The following STARD13 variants were observed in gnomAD, a reference collection of about 807,000 sequenced individuals.
STARD13 encodes stAR-related lipid transfer protein 13.
STARD13 carries 62 observed loss-of-function variants against 106.4 expected under a neutral mutation model. The observed-to-expected ratio is 0.58, with a 90% CI of 0.48 to 0.72. STARD13 has a LOEUF of 0.72. STARD13 is among the 30% of genes least tolerant of loss of function. The probability of loss-of-function intolerance (pLI) is 0.00; values close to 1 mark genes in which losing one functional copy is unlikely to be tolerated. For missense variants in STARD13, 1,387 were observed against 1,424.0 expected, an observed-to-expected ratio of 0.97 and a Z score of 0.42; for synonymous variants, 565 against 553.0, an observed-to-expected ratio of 1.02 and a Z score of -0.31.
At chr13:33,123,298 T>C (rs1245647411) in intron 7 of STARD13, among the ~76,000 whole-genome samples, 1 of 152,204 alleles carries the variant, frequency 6.6e-6, no homozygotes, top group Admixed American at 6.5e-5. Flanking sequence ...TCCATCTGAA[T>C]AATATTAAAT....
intron 1 of STARD13, among the ~76,000 whole-genome samples, chr13:33,192,970 C>T (rs1420425696): frequency 6.6e-6 from 1 of 152,080 alleles, no homozygotes; most frequent in Non-Finnish European, 1.5e-5. Flanking sequence ...AATGAGGTGC[C>T]CAAGGTCACA....
chr13:33,477,577 C>A, the STARD13 span, among the ~76,000 whole-genome samples: 1 of 152,168 alleles, frequency 6.6e-6, no homozygotes, highest in African/African-American at 2.4e-5. Context: ...AACTGAATTG[C>A]CAGCCATGAT....
At chr13:33,275,156 C>A (rs73458291) in intron 1 of STARD13, among the ~76,000 whole-genome samples, 2,431 of 152,164 alleles carry the variant, frequency 0.016, 60 homozygotes, top group African/African-American at 0.051. Context: ...CAGGAAACCA[C>A]AATTGGAAAA....
intron 1 of STARD13, among the ~76,000 whole-genome samples, chr13:33,243,492 G>A (rs1191706629): frequency 1.3e-5 from 2 of 152,154 alleles, no homozygotes; most frequent in African/African-American, 4.8e-5. Context: ...GCCACCTTAA[G>A]GAGTTCAGAT....
chr13:33,103,903 A>G lies in STARD13; in HGVS notation c.*1690T>C, dbSNP rs1466235545. Reference sequence around the variant, plus strand: ...GCATTGCCCAAAAGGTAAATTATGGATTTACTGCTTCCTTCTTAGGTAGAT... The same window carrying G: ...GCATTGCCCAAAAGGTAAATTATGGGTTTACTGCTTCCTTCTTAGGTAGAT... On this transcript the variant is annotated 3_prime_UTR_variant, in exon 14 of 14. Transcript: ENST00000336934. 6.6e-6 allele frequency: 1 copy of G among 152,162 alleles called. No individual in the cohort carries two copies. The highest frequency in any genetic ancestry group is 1.9e-4 in the East Asian group (1 of 5,194). The allele number at this position is 152,162 out of a possible 1,614,324, so 9.4% of individuals were successfully genotyped here. A position where few individuals can be genotyped will look rare whatever the true frequency, so the allele number is the denominator to read the frequency against.
intron 1 of STARD13, among the ~76,000 whole-genome samples, chr13:33,242,270 A>G (rs1042180107): frequency 2.0e-5 from 3 of 152,210 alleles, no homozygotes; most frequent in Non-Finnish European, 4.4e-5. Flanking sequence ...GCTCATTGAC[A>G]ACGGGCCATG....
chr13:33,412,763 T>G, the STARD13 span, among the ~76,000 whole-genome samples: 5 of 152,262 alleles, frequency 3.3e-5, 1 homozygote, highest in South Asian at 1.0e-3. Flanking sequence ...GAGGATACAG[T>G]AATCTTAAAT....
At chr13:33,509,890 C>T in the STARD13 span, among the ~76,000 whole-genome samples, 8 of 152,282 alleles carry the variant, frequency 5.3e-5, no homozygotes, top group African/African-American at 1.9e-4. Context: ...TTCCTGGTGT[C>T]CATCTGACGC....
chr13:33,177,430 C>T (rs1321852214), intron 1 of STARD13, among the ~76,000 whole-genome samples: 1 of 152,120 alleles, frequency 6.6e-6, no homozygotes, highest in East Asian at 1.9e-4. Context: ...CCTTTCATGA[C>T]TAAAGTACCA....
the STARD13 span, among the ~76,000 whole-genome samples, chr13:33,539,144 C>A: frequency 1.3e-5 from 2 of 152,110 alleles, no homozygotes; most frequent in Non-Finnish European, 2.9e-5. Flanking sequence ...GATTCAACAA[C>A]TGAAAACTTA....
At chr13:33,446,800 T>C in the STARD13 span, among the ~76,000 whole-genome samples, 9 of 152,208 alleles carry the variant, frequency 5.9e-5, no homozygotes. Flanking sequence ...TAATAAACCA[T>C]AGCATTTTAA....
chr13:33,151,402 G>C (rs1028215319), intron 3 of STARD13, among the ~76,000 whole-genome samples: 1 of 152,144 alleles, frequency 6.6e-6, no homozygotes, highest in African/African-American at 2.4e-5. Context: ...GCAGGAGGGA[G>C]AGATAGAAAA....
At chr13:33,342,715 T>A (rs1167348660) in intron 1 of STARD13, among the ~76,000 whole-genome samples, 1 of 152,204 alleles carries the variant, frequency 6.6e-6, no homozygotes, top group Non-Finnish European at 1.5e-5. Flanking sequence ...TTTTTGTCCA[T>A]CAACAGTTCT....
chr13:33,210,749 G>A (rs187479473), intron 1 of STARD13, among the ~76,000 whole-genome samples: 25 of 152,288 alleles, frequency 1.6e-4, no homozygotes, highest in Non-Finnish European at 2.9e-4. Context: ...AATAGGGTGC[G>A]ATATTGTGTG....
At chr13:33,218,102 C>T (rs1888145701) in intron 1 of STARD13, among the ~76,000 whole-genome samples, 1 of 152,194 alleles carries the variant, frequency 6.6e-6, no homozygotes, top group African/African-American at 2.4e-5. Context: ...AAGTAGCCAA[C>T]TTTTTACTGT....
the STARD13 span, among the ~76,000 whole-genome samples, chr13:33,560,621 G>A: frequency 6.6e-6 from 1 of 151,402 alleles, no homozygotes; most frequent in Non-Finnish European, 1.5e-5. Flanking sequence ...CAACAGAGCA[G>A]AGAAAATAAC....
At chr13:33,656,337 G>T in the STARD13 span, among the ~76,000 whole-genome samples, 1 of 152,164 alleles carries the variant, frequency 6.6e-6, no homozygotes, top group Non-Finnish European at 1.5e-5. Flanking sequence ...TGAAAGGAAA[G>T]AAAGGGAAGA....
the STARD13 span, among the ~76,000 whole-genome samples, chr13:33,519,228 CT>C: frequency 6.8e-6 from 1 of 147,810 alleles, no homozygotes; most frequent in Non-Finnish European, 1.5e-5. Flanking sequence ...TTCTTTCTTT[CT>C]TTCTTTCTTT....
chr13:33,530,746 A>C, the STARD13 span, among the ~76,000 whole-genome samples: 15 of 152,178 alleles, frequency 9.9e-5, no homozygotes, highest in Non-Finnish European at 1.6e-4. Context: ...ATTCATGCGA[A>C]ATACCTATAT....
Sources: allele counts gnomAD v4.1 joint callset (sites outside exome capture counted in the v4.1 genomes callset), GRCh38; gene constraint gnomAD v4.1.1; transcripts MANE v1.5; gene names NCBI Gene and HGNC (gene_info 2026-07-23, HGNC 2026-07-21).